The following CCBE1 variants were observed in gnomAD, a reference collection of about 807,000 sequenced individuals.
The protein encoded by CCBE1 is collagen and calcium binding EGF domains 1.
Under a neutral mutation model 50.0 loss-of-function variants are expected in CCBE1, and 37 were observed. The observed-to-expected ratio is 0.74, with a 90% CI of 0.57 to 0.97. CCBE1 has a LOEUF of 0.97. Among genes scored for constraint, CCBE1 ranks in the 50% least tolerant of loss-of-function variants. The pLI is 0.00. For missense variants in CCBE1, 538 were observed against 523.8 expected, an observed-to-expected ratio of 1.03 and a Z score of -0.26; for synonymous variants, 234 against 203.7, an observed-to-expected ratio of 1.15 and a Z score of -1.27.
At chr18:59,480,291 C>A (rs1912512655) in intron 2 of CCBE1, 53 bp from the exon 3 acceptor site, 5 of 1,334,288 alleles carry the variant, frequency 3.7e-6, no homozygotes, top group South Asian at 2.4e-5. Flanking sequence ...AAATAAAATT[C>A]TTTCCAGTTA....
In CCBE1 at chr18:59,456,552, G is replaced by A. The variant is rs558554447; in HGVS notation, c.554-1601C>T. Among the ~76,000 whole-genome samples, 11 of 152,310 alleles carry A rather than the reference G, an allele frequency of 7.2e-5. No individual in the cohort carries two copies. The East Asian group carries it at 2.1e-3, about 29-fold the overall frequency. ...AGATGCTGGGGAAAGGCACGGAATGGATTGTCCTGCATAGCTGTTAGAAGA... is the reference window on the plus strand; with the variant it reads ...AGATGCTGGGGAAAGGCACGGAATGAATTGTCCTGCATAGCTGTTAGAAGA... On this transcript the variant is annotated intron_variant, in intron 5 of 10. Coordinates refer to ENST00000439986, the MANE Select transcript of CCBE1 (RefSeq NM_133459.4).
intron 4 of CCBE1, among the ~76,000 whole-genome samples, chr18:59,467,340 G>T (rs1911798467): frequency 6.6e-6 from 1 of 152,160 alleles, no homozygotes. Flanking sequence ...TCCCTTTATG[G>T]TATAGGTTCC....
intron 2 of CCBE1, among the ~76,000 whole-genome samples, chr18:59,601,455 CCTT>C (rs1409535922): frequency 2.6e-5 from 4 of 152,214 alleles, no homozygotes; most frequent in African/African-American, 4.8e-5. Context: ...CTTTGCTCCT[CCTT>C]CATCTTCCAC....
At chr18:59,515,214 ATCTG>A (rs771385807) in intron 2 of CCBE1, among the ~76,000 whole-genome samples, 1 of 152,214 alleles carries the variant, frequency 6.6e-6, no homozygotes, top group Non-Finnish European at 1.5e-5. Context: ...TGAGCCACAC[ATCTG>A]TCTGTAAAGT....
intron 2 of CCBE1, among the ~76,000 whole-genome samples, chr18:59,684,772 G>T (rs1031343157): frequency 6.6e-6 from 1 of 152,164 alleles, no homozygotes; most frequent in African/African-American, 2.4e-5. Context: ...CTGGTTTAAG[G>T]TCATGTAGTA....
At chr18:59,550,767 G>T (rs1055881017) in intron 2 of CCBE1, among the ~76,000 whole-genome samples, 1 of 151,952 alleles carries the variant, frequency 6.6e-6, no homozygotes, top group Non-Finnish European at 1.5e-5. Flanking sequence ...GGTGGCTCAC[G>T]CCTGTAATCC....
At chr18:59,658,879 CAAAAAAAAAAAAAAAA>C (rs61226521) in intron 2 of CCBE1, among the ~76,000 whole-genome samples, 1 of 54,732 alleles carries the variant, frequency 1.8e-5, no homozygotes, top group Non-Finnish European at 3.3e-5. Context: ...GACTCTGTCT[CAAAAAAAAAAAAAAAA>C]AAAAAAAAAA....
At chr18:59,575,900 T>A (rs1030544710) in intron 2 of CCBE1, among the ~76,000 whole-genome samples, 1 of 152,208 alleles carries the variant, frequency 6.6e-6, no homozygotes, top group Non-Finnish European at 1.5e-5. Flanking sequence ...GTAACTACCA[T>A]CACAATGTAG....
chr18:59,590,053 T>C (rs2053240259), intron 2 of CCBE1, among the ~76,000 whole-genome samples: 1 of 152,124 alleles, frequency 6.6e-6, no homozygotes, highest in South Asian at 2.1e-4. Context: ...AGTCAGCATC[T>C]TTACTTACCT....
chr18:59,665,479 G>A lies in CCBE1; in HGVS notation c.212+31150C>T, dbSNP rs182907043. Among the ~76,000 whole-genome samples, 156 of 152,202 alleles carry A rather than the reference G, an allele frequency of 1.0e-3. 4 individuals are homozygous for A. The highest frequency in any genetic ancestry group is 8.4e-4 in the Non-Finnish European group (57 of 68,016). On this transcript the variant is annotated intron_variant, in intron 2 of 10. Transcript: ENST00000439986. Reference sequence around the variant, plus strand: ...AGTTTACTAAATGAAGCAATTTAACGGGAAAATTCTTCAGAAAGTAGGGGT... The same window carrying A: ...AGTTTACTAAATGAAGCAATTTAACAGGAAAATTCTTCAGAAAGTAGGGGT...
chr18:59,574,477 A>G (rs1479424850), intron 2 of CCBE1, among the ~76,000 whole-genome samples: 1 of 152,242 alleles, frequency 6.6e-6, no homozygotes, highest in Non-Finnish European at 1.5e-5. Context: ...TATTGGCCTA[A>G]CATGACTTGT....
chr18:59,589,901 A>G (rs567386511), intron 2 of CCBE1, among the ~76,000 whole-genome samples: 1 of 152,286 alleles, frequency 6.6e-6, no homozygotes, highest in Non-Finnish European at 1.5e-5. Flanking sequence ...GTATCAATAT[A>G]ACATAGCATA....
At chr18:59,447,279 A>G (rs921757169) in intron 7 of CCBE1, among the ~76,000 whole-genome samples, 4 of 152,204 alleles carry the variant, frequency 2.6e-5, no homozygotes, top group African/African-American at 9.7e-5. Flanking sequence ...AGGTAAAACT[A>G]CAGTGAAAGA....
intron 2 of CCBE1, among the ~76,000 whole-genome samples, chr18:59,536,934 G>C (rs1393098910): frequency 6.7e-6 from 1 of 148,926 alleles, no homozygotes. Context: ...AGAGGTTGCA[G>C]TGAGCAGAGA....
chr18:59,526,698 G>A (rs895448580), intron 2 of CCBE1, among the ~76,000 whole-genome samples: 1 of 152,072 alleles, frequency 6.6e-6, no homozygotes, highest in African/African-American at 2.4e-5. Context: ...CAGAGATTCT[G>A]GTATGTTGTC....
At chr18:59,575,475 TC>T (rs1342171228) in intron 2 of CCBE1, among the ~76,000 whole-genome samples, 1 of 152,168 alleles carries the variant, frequency 6.6e-6, no homozygotes, top group Non-Finnish European at 1.5e-5. Flanking sequence ...AATAAAAGCA[TC>T]CTCAGACTGA....
At chr18:59,678,154 C>G (rs1461888355) in intron 2 of CCBE1, among the ~76,000 whole-genome samples, 2 of 152,138 alleles carry the variant, frequency 1.3e-5, no homozygotes, top group Non-Finnish European at 2.9e-5. Context: ...GAATTTTCTC[C>G]TACCATAGAA....
At position 59,448,040 on chromosome 18, in the gene CCBE1, CCAGCACCTTG is replaced by C; in HGVS notation, c.708_717del (p.Asp236GlufsTer160). On this transcript the variant is annotated frameshift_variant, in exon 7 of 11. Transcript: ENST00000439986. LOFTEE classifies it high-confidence loss of function. ...GGTCCTGGAAGGTAGGTGTTTGAGG[CCAGCACCTTG>C]TCACCAGTGATATACTTGCCCAGGT... 6.2e-7 allele frequency: 1 copy of C among 1,614,178 alleles called. No individual in the cohort carries two copies. The highest frequency in any genetic ancestry group is 8.5e-7 in the Non-Finnish European group (1 of 1,180,050).
chr18:59,647,397 T>G (rs2054069309), intron 2 of CCBE1, among the ~76,000 whole-genome samples: 1 of 152,226 alleles, frequency 6.6e-6, no homozygotes, highest in African/African-American at 2.4e-5. Context: ...ACTGGAAGGA[T>G]ATGCACTAAA....
Sources: allele counts gnomAD v4.1 joint callset (sites outside exome capture counted in the v4.1 genomes callset), GRCh38; gene constraint gnomAD v4.1.1; transcripts MANE v1.5; gene names NCBI Gene and HGNC (gene_info 2026-07-23, HGNC 2026-07-21).